Variants in PDE4D observed in about 807,000 individuals in gnomAD.
The protein encoded by PDE4D is phosphodiesterase 4D, also known as 3',5'-cyclic-AMP phosphodiesterase 4D.
A neutral mutation model predicts 87.4 loss-of-function variants in PDE4D; 24 were observed. The ratio of observed to expected loss-of-function variants is 0.27; its 90% confidence interval spans 0.20 to 0.39. The LOEUF is 0.39. Ranked by LOEUF, PDE4D falls within the 10% of genes least tolerant of loss-of-function variation. PDE4D has a pLI of 1.00. For missense variants in PDE4D, 714 were observed against 1,041.0 expected (o/e 0.69, Z 4.32); for synonymous variants, 384 against 383.2 (o/e 1.00, Z -0.02).
intron 1 of PDE4D, among the ~76,000 whole-genome samples, chr5:59,866,889 G>C (rs114480619): frequency 2.0e-5 from 3 of 152,120 alleles, no homozygotes; most frequent in Admixed American, 6.5e-5. Context: ...AGGATGATTT[G>C]TTAGACTAAG....
At chr5:59,819,624 T>C (rs1283714895) in intron 1 of PDE4D, among the ~76,000 whole-genome samples, 1 of 152,212 alleles carries the variant, frequency 6.6e-6, no homozygotes, top group East Asian at 1.9e-4. Flanking sequence ...AACTTGATAT[T>C]TGGCACTAGG....
In PDE4D at chr5:59,535,074, TG is replaced by T. The variant is rs1268979651; in HGVS notation, c.456-319107del. The stretch of plus-strand genomic sequence containing the variant: ...GTGCTTAGATTGGTGTGTGTGTGTG[TG>T]TGGGGGGGGGGTCCTCTATCATGTA... On this transcript the variant is annotated intron_variant, in intron 1 of 14. Coordinates refer to ENST00000340635, the MANE Select transcript of PDE4D (RefSeq NM_001104631.2). 1.1e-3 allele frequency among the ~76,000 whole-genome samples: 78 copies of T among 71,672 alleles called. 1 individual carries two copies. Among genetic ancestry groups the T allele is most frequent in the East Asian group, 4.1e-3 (4 of 970 alleles). The allele number at this position is 71,672 out of a possible 152,430, so 47.0% of individuals were successfully genotyped here. A position where few individuals can be genotyped will look rare whatever the true frequency, so the allele number is the denominator to read the frequency against.
intron 1 of PDE4D, among the ~76,000 whole-genome samples, chr5:60,282,834 G>C (rs1752072201): frequency 6.6e-6 from 1 of 152,128 alleles, no homozygotes; most frequent in South Asian, 2.1e-4. Flanking sequence ...GGACTTCCCA[G>C]GCATCTTTCT....
intron 1 of PDE4D, among the ~76,000 whole-genome samples, chr5:60,189,393 C>T (rs962249628): frequency 1.3e-5 from 2 of 152,160 alleles, no homozygotes; most frequent in Non-Finnish European, 2.9e-5. Context: ...TTCATTGCTA[C>T]GTCATATACA....
chr5:59,615,359 T>C (rs1829531957), intron 1 of PDE4D, among the ~76,000 whole-genome samples: 1 of 152,178 alleles, frequency 6.6e-6, no homozygotes, highest in Admixed American at 6.5e-5. Flanking sequence ...AAGCCTTAAA[T>C]GGCCTCTTAA....
intron 1 of PDE4D, among the ~76,000 whole-genome samples, chr5:60,509,550 G>A (rs915830377): frequency 7.2e-5 from 11 of 151,966 alleles, no homozygotes; most frequent in Non-Finnish European, 1.6e-4. Flanking sequence ...ATCATTTCTC[G>A]CACCTGAGTT....
chr5:59,095,781 T>C (rs1769593098), intron 5 of PDE4D, among the ~76,000 whole-genome samples: 1 of 152,160 alleles, frequency 6.6e-6, no homozygotes, highest in Non-Finnish European at 1.5e-5. Flanking sequence ...GACTGGATAA[T>C]ATCAACAAAT....
chr5:60,504,964 G>T (rs27221), intron 1 of PDE4D, among the ~76,000 whole-genome samples: 57,575 of 151,906 alleles, frequency 0.38, 11,259 homozygotes, highest in South Asian at 0.52. Flanking sequence ...CATTCATTTT[G>T]TTCCAAAATA....
In PDE4D at chr5:60,453,684, A is replaced by G. The variant is rs569595173; in HGVS notation, c.-90+34258T>C. Among the ~76,000 whole-genome samples the G allele has an allele frequency of 4.7e-4, 72 of 152,098 alleles. No individual in the cohort carries two copies. In the East Asian group the frequency reaches 0.013, roughly 27 times the overall value. On this transcript the variant is annotated intron_variant, in intron 1 of 16. Transcript: ENST00000502484. ...ATTTTTTTTTTAATCACATTTTCCAATTGTAAGGTCCATAGCTCCTCCTTT... is the reference window on the plus strand; with the variant it reads ...ATTTTTTTTTTAATCACATTTTCCAGTTGTAAGGTCCATAGCTCCTCCTTT...
chr5:59,577,570 A>G (rs1823382374), intron 1 of PDE4D, among the ~76,000 whole-genome samples: 1 of 152,158 alleles, frequency 6.6e-6, no homozygotes, highest in Non-Finnish European at 1.5e-5. Flanking sequence ...GAAAAGAAAA[A>G]TATGGAGACT....
chr5:59,084,228 T>C (rs914648684), intron 5 of PDE4D, among the ~76,000 whole-genome samples: 1 of 151,978 alleles, frequency 6.6e-6, no homozygotes, highest in Non-Finnish European at 1.5e-5. Context: ...AATAAGGAAA[T>C]AATAGATTAT....
intron 3 of PDE4D, among the ~76,000 whole-genome samples, chr5:59,931,947 C>T (rs1279612738): frequency 3.3e-5 from 5 of 152,070 alleles, no homozygotes; most frequent in African/African-American, 1.2e-4. Flanking sequence ...GTAATCTGCC[C>T]GCCTTGGCCT....
rs938748830 is a variant in PDE4D at position 60,340,161 on chromosome 5, G to A, written c.-90+147781C>T. ...CAAAACAGGGATCCGGGCCCACGGC[G>A]CGATGTTCAGGGAATCCCTGCTTAC... On this transcript the variant is annotated intron_variant, in intron 1 of 16. Transcript: ENST00000502484. Among the ~76,000 whole-genome samples, 10 of 151,668 alleles carry A rather than the reference G, an allele frequency of 6.6e-5. 1 individual carries two copies. Among genetic ancestry groups the A allele is most frequent in the African/African-American group, 2.2e-4 (9 of 41,526 alleles).
At chr5:60,119,197 T>C (rs962084269) in intron 2 of PDE4D, among the ~76,000 whole-genome samples, 1 of 152,228 alleles carries the variant, frequency 6.6e-6, no homozygotes, top group Admixed American at 6.5e-5. Context: ...ATTAACCTTA[T>C]GCTCACATGT....
Position 59,211,014 on chromosome 5 carries a change from T to G in PDE4D, c.647+4763A>C, listed in dbSNP as rs572031114. ...GTGAAAACACAGAAGTGATTGTTATTCAGATGCTGAAATATTAAGATGACA... is the reference window on the plus strand; with the variant it reads ...GTGAAAACACAGAAGTGATTGTTATGCAGATGCTGAAATATTAAGATGACA... On this transcript the variant is annotated intron_variant, in intron 2 of 14. Transcript: ENST00000340635. 5.9e-5 allele frequency among the ~76,000 whole-genome samples: 9 copies of G among 152,304 alleles called. No individual in the cohort carries two copies. The East Asian group carries it at 1.5e-3, about 26-fold the overall frequency.
intron 1 of PDE4D, among the ~76,000 whole-genome samples, chr5:60,299,846 G>T (rs1026410101): frequency 6.6e-6 from 1 of 152,134 alleles, no homozygotes; most frequent in Admixed American, 6.6e-5. Context: ...TTTGTAAATA[G>T]TGCTGTGATG....
At chr5:59,834,834 G>A (rs1447776037) in intron 1 of PDE4D, among the ~76,000 whole-genome samples, 1 of 152,000 alleles carries the variant, frequency 6.6e-6, no homozygotes, top group East Asian at 1.9e-4. Flanking sequence ...ATACTTGAAG[G>A]GTTCTCCTTT....
intron 6 of PDE4D, among the ~76,000 whole-genome samples, chr5:59,033,212 G>A (rs546639098): frequency 1.3e-5 from 2 of 152,166 alleles, no homozygotes; most frequent in East Asian, 3.9e-4. Flanking sequence ...AATGGACGCA[G>A]CAGAATTGTT....
intron 2 of PDE4D, among the ~76,000 whole-genome samples, chr5:59,198,531 C>T (rs1249330071): frequency 6.6e-6 from 1 of 152,178 alleles, no homozygotes; most frequent in East Asian, 1.9e-4. Context: ...GCTCTGTCAC[C>T]TTCCCTGGTT....
Sources: gnomAD v4.1 joint callset for allele counts (sites outside exome capture counted in the v4.1 genomes callset) on GRCh38, gnomAD v4.1.1 for gene constraint, MANE v1.5 for transcripts, NCBI Gene and HGNC (gene_info 2026-07-23, HGNC 2026-07-21) for gene names.